Variants in ROBO1 observed in about 807,000 individuals in gnomAD.
The protein encoded by ROBO1 is roundabout homolog 1.
Under a neutral mutation model 195.9 loss-of-function variants are expected in ROBO1, and 149 were observed. The ratio of observed to expected loss-of-function variants is 0.76; its 90% CI spans 0.67 to 0.87. The LOEUF (loss-of-function observed/expected upper bound fraction) is 0.87. Among genes scored for constraint, ROBO1 ranks in the 40% least tolerant of loss-of-function variants. ROBO1 has a pLI of 0.00. For missense variants in ROBO1, 1,933 were observed against 2,068.3 expected, an observed-to-expected ratio of 0.93 and a Z score of 1.27; for synonymous variants, 816 against 733.2, an observed-to-expected ratio of 1.11 and a Z score of -1.82.
chr3:79,452,886 T>C (rs1259901548), intron 2 of ROBO1, among the ~76,000 whole-genome samples: 2 of 152,052 alleles, frequency 1.3e-5, no homozygotes, highest in Non-Finnish European at 2.9e-5. Flanking sequence ...GAGTTGATAA[T>C]GTGCATTTGT....
intron 2 of ROBO1, among the ~76,000 whole-genome samples, chr3:79,426,136 A>T (rs1375618153): frequency 6.6e-6 from 1 of 152,126 alleles, no homozygotes; most frequent in African/African-American, 2.4e-5. Flanking sequence ...CAATTCGAAA[A>T]ATTCACTATT....
chr3:78,768,908 T>C, intron 4 of ROBO1, among the ~76,000 whole-genome samples: 1 of 148,778 alleles, frequency 6.7e-6, no homozygotes, highest in South Asian at 2.2e-4. Context: ...GAATATGCGG[T>C]GTTTGGTTTT....
chr3:79,453,795 A>G (rs1408856919), intron 2 of ROBO1, among the ~76,000 whole-genome samples: 1 of 152,142 alleles, frequency 6.6e-6, no homozygotes, highest in Non-Finnish European at 1.5e-5. Context: ...CAAGCACGAG[A>G]CAAGGTAGCT....
At chr3:79,240,677 C>T (rs975437448) in intron 2 of ROBO1, among the ~76,000 whole-genome samples, 3 of 151,552 alleles carry the variant, frequency 2.0e-5, no homozygotes, top group African/African-American at 7.3e-5. Flanking sequence ...GACAGAGTCT[C>T]ACTCTGTCAC....
At chr3:79,311,796 G>T (rs926764189) in intron 2 of ROBO1, among the ~76,000 whole-genome samples, 1 of 151,974 alleles carries the variant, frequency 6.6e-6, no homozygotes, top group Non-Finnish European at 1.5e-5. Flanking sequence ...GGTCCTACCC[G>T]ATATTTAAAT....
rs1221483609 is a variant in ROBO1 at position 78,597,975 on chromosome 3, AG to A, written c.*937del. 2.0e-5 allele frequency: 3 copies of A among 150,720 alleles called. No homozygotes were observed. The highest frequency in any genetic ancestry group is 2.0e-4 in the Admixed American group (3 of 15,106). 9.3% of individuals were successfully genotyped at this position (150,720 alleles called of 1,614,324 possible). A position where few individuals can be genotyped will look rare whatever the true frequency, so the allele number is the denominator to read the frequency against. On this transcript the variant is annotated 3_prime_UTR_variant, in exon 31 of 31. Transcript: ENST00000464233. ...CAAAAAAAAAAAAAAAAAGAGAGAG[AG>A]ATTAAAAACAGTGCATTACAAAAAC...
chr3:79,237,837 T>C (rs1349997673), intron 2 of ROBO1, among the ~76,000 whole-genome samples: 2 of 152,188 alleles, frequency 1.3e-5, no homozygotes. Flanking sequence ...ATTTCAGTCA[T>C]GGTCACACCA....
At chr3:79,636,979 G>T (rs934732287) in intron 1 of ROBO1, among the ~76,000 whole-genome samples, 5 of 152,140 alleles carry the variant, frequency 3.3e-5, no homozygotes, top group African/African-American at 9.7e-5. Context: ...AAAGAGAGCT[G>T]GCTTTATTAA....
chr3:79,616,583 T>G lies in ROBO1; in HGVS notation c.-50-26622A>C, dbSNP rs568652637. Among the ~76,000 whole-genome samples, 6 of 152,176 alleles carry G rather than the reference T, an allele frequency of 3.9e-5. No homozygotes were observed. The South Asian group carries it at 1.0e-3, about 26-fold the overall frequency. On this transcript the variant is annotated intron_variant, in intron 1 of 30. Transcript: ENST00000464233. ...CCCCTTTTTGTGACCAGAAGGTGACTGTGTGCTTCCATTCAAAATGTGGGC... is the reference window on the plus strand; with the variant it reads ...CCCCTTTTTGTGACCAGAAGGTGACGGTGTGCTTCCATTCAAAATGTGGGC...
intron 1 of ROBO1, among the ~76,000 whole-genome samples, chr3:79,757,507 C>A (rs139825498): frequency 0.3 from 42,495 of 143,034 alleles, 6,566 homozygotes; most frequent in East Asian, 0.35. Context: ...CTCTCTCTCT[C>A]TCCATATATA....
chr3:78,677,781 C>T (rs1198255563), intron 10 of ROBO1, among the ~76,000 whole-genome samples: 5 of 152,164 alleles, frequency 3.3e-5, no homozygotes, highest in Non-Finnish European at 5.9e-5. Flanking sequence ...AGAAAGTTAA[C>T]AAGCATACCC....
chr3:78,599,054 G>C (rs1703010146), intron 30 of ROBO1, 127 bp from the exon 31 acceptor site: 2 of 506,860 alleles, frequency 3.9e-6, no homozygotes, highest in East Asian at 3.3e-5. Context: ...GACTATGTTG[G>C]AAAGGGCTCA....
intron 4 of ROBO1, among the ~76,000 whole-genome samples, chr3:78,818,417 G>A (rs1037005807): frequency 5.9e-5 from 9 of 152,148 alleles, no homozygotes; most frequent in African/African-American, 2.2e-4. Context: ...AGTGACCTCC[G>A]TCAATCCTCT....
intron 2 of ROBO1, among the ~76,000 whole-genome samples, chr3:79,370,200 G>T (rs914712206): frequency 1.4e-5 from 2 of 148,030 alleles, no homozygotes; most frequent in Admixed American, 6.6e-5. Flanking sequence ...ATTAAAAATT[G>T]GAAAAAAAAA....
chr3:78,864,111 A>T (rs1242413979), intron 4 of ROBO1, among the ~76,000 whole-genome samples: 5 of 152,160 alleles, frequency 3.3e-5, no homozygotes, highest in Admixed American at 3.3e-4. Flanking sequence ...ATGTTAACTT[A>T]TTACTTTCCA....
chr3:79,005,030 A>G (rs1464745433), intron 3 of ROBO1, among the ~76,000 whole-genome samples: 1 of 152,204 alleles, frequency 6.6e-6, no homozygotes, highest in Non-Finnish European at 1.5e-5. Flanking sequence ...ATTTCCAAAG[A>G]AATGTGGGAG....
chr3:79,529,657 A>G (rs1357582468), intron 2 of ROBO1, among the ~76,000 whole-genome samples: 1 of 152,204 alleles, frequency 6.6e-6, no homozygotes, highest in Non-Finnish European at 1.5e-5. Flanking sequence ...GTGTACACAC[A>G]CTGGAATAAG....
chr3:78,834,732 C>A (rs974905142), intron 4 of ROBO1, among the ~76,000 whole-genome samples: 6 of 151,956 alleles, frequency 3.9e-5, no homozygotes, highest in Admixed American at 3.9e-4. Context: ...CCAAGCTGAC[C>A]TGAGGGGTTG....
intron 5 of ROBO1, among the ~76,000 whole-genome samples, chr3:78,727,455 T>C (rs1390445439): frequency 1.3e-5 from 2 of 152,068 alleles, no homozygotes; most frequent in Non-Finnish European, 2.9e-5. Flanking sequence ...TGAAACCCTG[T>C]CTCCACTAAA....
Sources: gnomAD v4.1 joint callset for allele counts (sites outside exome capture counted in the v4.1 genomes callset) on GRCh38, gnomAD v4.1.1 for gene constraint, MANE v1.5 for transcripts, NCBI Gene and HGNC (gene_info 2026-07-23, HGNC 2026-07-21) for gene names.